The following HEATR9 variants were observed in gnomAD, a reference collection of about 807,000 sequenced individuals.
HEATR9 encodes HEAT repeat containing 9.
In HEATR9, 54 loss-of-function variants were observed where a neutral mutation model predicts 68.2. That is an observed-to-expected ratio of 0.79 (90% confidence interval 0.64 to 0.99). The LOEUF (loss-of-function observed/expected upper bound fraction) is 0.99, where lower values mean the gene tolerates loss of function less well. HEATR9 is among the 50% of genes least tolerant of loss of function. The pLI is 0.00. For synonymous variants in HEATR9, 241 were observed against 253.5 expected (o/e 0.95, Z 0.47); for missense variants, 662 against 679.7 (o/e 0.97, Z 0.29).
chr17:35,867,646 C>T (rs1480914798), intron 1 of HEATR9, among the ~76,000 whole-genome samples: 1 of 151,902 alleles, frequency 6.6e-6, no homozygotes, highest in African/African-American at 2.4e-5. Flanking sequence ...GCCCCCTAAC[C>T]CTCAATTAGG....
chr17:35,865,325 C>T lies in HEATR9; in HGVS notation c.210G>A (p.Pro70=), dbSNP rs538923932. 7.4e-6 allele frequency: 11 copies of T among 1,479,524 alleles called. No homozygotes were observed. In the East Asian group the frequency reaches 7.6e-5, roughly 10 times the overall value. 91.6% of individuals were successfully genotyped at this position (1,479,524 alleles called of 1,614,324 possible). Reference sequence around the variant, plus strand: ...TCTCAGGTTTCTTGAAGTAGCAGTACGGGACTGAGTTTGGCTTGCTCGGAT... The same window carrying T: ...TCTCAGGTTTCTTGAAGTAGCAGTATGGGACTGAGTTTGGCTTGCTCGGAT... ...RQHPSKPNSV[P]YCYFKKPEIY... Residue 70 remains proline (P), a synonymous_variant, in exon 3 of 15, where the codon CCG becomes CCA. Transcript: ENST00000604834.
chr17:35,856,799 TCA>T lies in HEATR9; in HGVS notation c.1157_1158del (p.Val386GlufsTer81). ...TCCACAGTTTGAGCCACAGCCTGCCTCACAGCCTGCAGAGGGATCAAAATGAG... is the reference window on the plus strand; with the variant it reads ...TCCACAGTTTGAGCCACAGCCTGCCTCAGCCTGCAGAGGGATCAAAATGAG... ...RKTHNEPFLA[V>X]RQAVAQTVEE... On this transcript the variant is annotated frameshift_variant, in exon 12 of 15. Transcript: ENST00000604834. LOFTEE classifies it high-confidence loss of function. 6.2e-7 allele frequency: 1 copy of T among 1,602,926 alleles called. No homozygotes were observed. Among genetic ancestry groups the T allele is most frequent in the Non-Finnish European group, 8.5e-7 (1 of 1,174,426 alleles).
At chr17:35,865,108 C>T (rs976257902) in intron 3 of HEATR9, 107 bp downstream of exon 3, 3 of 1,386,262 alleles carry the variant, frequency 2.2e-6, no homozygotes, top group Non-Finnish European at 3.0e-6. Flanking sequence ...CTCTCTGGGA[C>T]CTGTAGGCTG....
chr17:35,858,818 G>A (rs967203394), intron 9 of HEATR9, 70 bp downstream of exon 9: 2 of 1,541,300 alleles, frequency 1.3e-6, no homozygotes, highest in African/African-American at 2.7e-5. Context: ...AGGATGGCAG[G>A]ATCCAGACCA....
intron 1 of HEATR9, among the ~76,000 whole-genome samples, chr17:35,868,333 G>A (rs1279669009): frequency 6.6e-6 from 1 of 152,202 alleles, no homozygotes; most frequent in East Asian, 1.9e-4. Context: ...AGGTAGATAA[G>A]GGGGAAGAGC....
intron 2 of HEATR9, among the ~76,000 whole-genome samples, chr17:35,866,474 T>A (rs979619009): frequency 6.6e-6 from 1 of 152,224 alleles, no homozygotes; most frequent in African/African-American, 2.4e-5. Flanking sequence ...GTAAGCACTT[T>A]CTGCATAGCC....
intron 6 of HEATR9, chr17:35,863,952 A>G: frequency 7.4e-6 from 4 of 537,850 alleles, no homozygotes; most frequent in Middle Eastern, 4.9e-4. Context: ...TGTTTCCAGT[A>G]AAGGCAGAGA....
At chr17:35,855,564 C>G in intron 14 of HEATR9, 100 bp downstream of exon 14, 1 of 1,324,082 alleles carries the variant, frequency 7.6e-7, no homozygotes, top group Non-Finnish European at 1.1e-6. Context: ...GGCTCATGAC[C>G]CTCTCCTCCT....
intron 2 of HEATR9, among the ~76,000 whole-genome samples, chr17:35,866,307 TAATGAATG>T (rs1490256649): frequency 6.6e-6 from 1 of 152,054 alleles, no homozygotes; most frequent in Non-Finnish European, 1.5e-5. Context: ...GGATTTTAGG[TAATGAATG>T]AAATATTTGA....
chr17:35,855,676 A>G lies in HEATR9; in HGVS notation c.1353T>C (p.Ala451=). The change falls in exon 14 of 15, where the codon GCT becomes GCC. Residue 451 remains alanine (A), a synonymous_variant. Transcript: ENST00000604834. The stretch of plus-strand genomic sequence containing the variant: ...ACGCCTTACTTACACTCTTCTTCAC[A>G]GCCTGGTGGTTTTCTGCATCTAGTA... The part of the protein sequence containing the change: ...LDLLDAENHQ[A]VKKSLQETLI... 1.2e-6 allele frequency: 2 copies of G among 1,614,066 alleles called. No homozygotes were observed. Among genetic ancestry groups the G allele is most frequent in the Non-Finnish European group, 1.7e-6 (2 of 1,179,968 alleles).
rs754445057 is a variant in HEATR9 at position 35,855,060 on chromosome 17, G to T, written c.*3C>A. 1.3e-5 allele frequency: 21 copies of T among 1,609,102 alleles called. No homozygotes were observed. The Admixed American group carries it at 1.4e-4, about 10-fold the overall frequency. On this transcript the variant is annotated 3_prime_UTR_variant, in exon 15 of 15. Coordinates refer to ENST00000604834, the MANE Select transcript of HEATR9 (RefSeq NM_152781.4). ...AGTCGGGGAGTAGGCCCAAAGAATT[G>T]ACTTATTTGGCAATTTCAGCAAGGA... is the stretch of plus-strand genomic sequence containing the variant.
At chr17:35,855,564 CCT>C (rs1049932160) in intron 14 of HEATR9, 98 bp downstream of exon 14, 8 of 1,324,084 alleles carry the variant, frequency 6.0e-6, no homozygotes, top group African/African-American at 1.4e-5. Flanking sequence ...GGCTCATGAC[CCT>C]CTCCTCCTGA....
intron 3 of HEATR9, 75 bp downstream of exon 3, chr17:35,865,140 A>C: frequency 6.5e-7 from 1 of 1,527,546 alleles, no homozygotes; most frequent in East Asian, 2.2e-5. Context: ...TCCCTGGCCC[A>C]CCCCTTCCTT....
intron 14 of HEATR9, 72 bp downstream of exon 14, chr17:35,855,592 G>T: frequency 6.9e-7 from 1 of 1,443,622 alleles, no homozygotes; most frequent in Non-Finnish European, 9.8e-7. Context: ...AGCAAATGGT[G>T]GTGAGATAGG....
At chr17:35,864,973 A>G (rs987763485) in intron 3 of HEATR9, 83 bp from the exon 4 acceptor site, 3 of 1,553,826 alleles carry the variant, frequency 1.9e-6, no homozygotes, top group Non-Finnish European at 1.8e-6. Flanking sequence ...CCACAGGGCT[A>G]CAGCCCAGCT....
rs377561711 is a variant in HEATR9 at position 35,863,036 on chromosome 17, G to A, written c.715C>T (p.Arg239Ter). 14 of 1,613,956 alleles carry A rather than the reference G, an allele frequency of 8.7e-6. No homozygotes were observed. The highest frequency in any genetic ancestry group is 8.0e-5 in the African/African-American group (6 of 74,878). Reference sequence around the variant, plus strand: ...GCAGCCCAGGAGTTAAGAGCCATTCGTAGCCCCGTCAAAGTCTCCATCCTT... The same window carrying A: ...GCAGCCCAGGAGTTAAGAGCCATTCATAGCCCCGTCAAAGTCTCCATCCTT... The part of the protein sequence containing the change: ...GQRMETLTGL[R>*]MALNSWAAVS... Residue 239 changes from arginine to a stop codon, truncating the protein, a stop_gained, in exon 8 of 15, where the codon CGA becomes TGA. Transcript: ENST00000604834. LOFTEE classifies it high-confidence loss of function.
At chr17:35,868,061 G>A (rs767039526) in intron 1 of HEATR9, among the ~76,000 whole-genome samples, 4 of 152,330 alleles carry the variant, frequency 2.6e-5, no homozygotes, top group East Asian at 1.9e-4. Flanking sequence ...GATTAGAGGC[G>A]TGAACCACCG....
intron 3 of HEATR9, among the ~76,000 whole-genome samples, 162 bp downstream of exon 3, chr17:35,865,053 G>GGCCGAGCCA (rs201111324): frequency 0.032 from 4,815 of 152,030 alleles, 255 homozygotes; most frequent in African/African-American, 0.11. Context: ...GAGCCGAGCC[G>GGCCGAGCCA]GCCGAGCCAG....
In HEATR9 at chr17:35,855,405, T is replaced by G. The variant is rs751536301; in HGVS notation, c.1371A>C (p.Gln457His). 1.9e-6 allele frequency: 3 copies of G among 1,611,648 alleles called. No individual in the cohort carries two copies. In the Admixed American group the frequency reaches 5.0e-5, roughly 27 times the overall value. ...TTGAGGCACAAAGGATTAATGTTTCTTGTAGCTGCATTGAAACAAAGGTCC... is the reference window on the plus strand; with the variant it reads ...TTGAGGCACAAAGGATTAATGTTTCGTGTAGCTGCATTGAAACAAAGGTCC... Reference protein sequence around the residue: ...ENHQAVKKSLQETLILCASID... With the variant: ...ENHQAVKKSLHETLILCASID... Residue 457 changes from glutamine to histidine, a missense_variant, in exon 15 of 15, where the codon CAA becomes CAC. Physicochemically the swap from Gln to His is conservative, Grantham distance 24 (BLOSUM62 0). Coordinates refer to ENST00000604834, the MANE Select transcript of HEATR9 (RefSeq NM_152781.4).
Sources: allele counts gnomAD v4.1 joint callset (sites outside exome capture counted in the v4.1 genomes callset), GRCh38; gene constraint gnomAD v4.1.1; transcripts MANE v1.5; gene names NCBI Gene and HGNC (gene_info 2026-07-23, HGNC 2026-07-21).